Variants in TNR observed in about 807,000 individuals in gnomAD.
The protein encoded by TNR is tenascin R.
Under a neutral mutation model 150.4 loss-of-function variants are expected in TNR, and 45 were observed. The ratio of observed to expected loss-of-function variants is 0.30; its 90% CI spans 0.24 to 0.38. TNR has a LOEUF of 0.38. Among genes scored for constraint, TNR ranks in the 10% least tolerant of loss-of-function variants. The pLI is 1.00. For missense variants in TNR, 1,544 were observed against 1,759.1 expected (o/e 0.88, Z 2.19); for synonymous variants, 687 against 678.4 (o/e 1.01, Z -0.20).
intron 3 of TNR, among the ~76,000 whole-genome samples, chr1:175,403,996 C>T (rs2102046143): frequency 6.6e-6 from 1 of 152,264 alleles, no homozygotes; most frequent in East Asian, 1.9e-4. Flanking sequence ...GGAACGTGCT[C>T]AAGCCCAGGT....
intron 21 of TNR, among the ~76,000 whole-genome samples, chr1:175,325,010 G>T (rs1462455893): frequency 1.3e-5 from 2 of 152,160 alleles, no homozygotes; most frequent in Non-Finnish European, 2.9e-5. Context: ...GGGAAGAGGG[G>T]CATCAGCAAA....
intron 2 of TNR, among the ~76,000 whole-genome samples, chr1:175,461,352 C>A (rs145619568): frequency 1.3e-5 from 2 of 152,282 alleles, no homozygotes; most frequent in African/African-American, 4.8e-5. Context: ...TTGCTCCCAA[C>A]AAAATGTTTT....
intron 1 of TNR, among the ~76,000 whole-genome samples, chr1:175,674,027 G>A (rs1031604805): frequency 6.6e-6 from 1 of 152,206 alleles, no homozygotes; most frequent in Non-Finnish European, 1.5e-5. Flanking sequence ...AGTGCTGTGT[G>A]CCTCAACTCT....
chr1:175,462,773 T>C (rs1013490368), intron 2 of TNR, among the ~76,000 whole-genome samples: 3 of 152,164 alleles, frequency 2.0e-5, no homozygotes, highest in African/African-American at 7.2e-5. Context: ...TCCCTGTCAA[T>C]GATAACAACA....
chr1:175,588,606 AAC>A (rs1662671824), intron 1 of TNR, among the ~76,000 whole-genome samples: 1 of 152,182 alleles, frequency 6.6e-6, no homozygotes, highest in African/African-American at 2.4e-5. Flanking sequence ...TAATTAATCA[AAC>A]ACGGGCTGCT....
chr1:175,709,371 T>G (rs531162599), intron 1 of TNR, among the ~76,000 whole-genome samples: 1 of 151,016 alleles, frequency 6.6e-6, no homozygotes, highest in East Asian at 2.0e-4. Flanking sequence ...AATCAGGAAT[T>G]TATTCAAAAT....
At chr1:175,513,208 C>T (rs942234377) in intron 2 of TNR, among the ~76,000 whole-genome samples, 1 of 152,118 alleles carries the variant, frequency 6.6e-6, no homozygotes, top group Non-Finnish European at 1.5e-5. Flanking sequence ...CTGTCTTCCC[C>T]ACTACACTGT....
intron 1 of TNR, among the ~76,000 whole-genome samples, chr1:175,596,066 T>G (rs548620468): frequency 6.6e-6 from 1 of 152,322 alleles, no homozygotes; most frequent in South Asian, 2.1e-4. Context: ...CATTCTAGTT[T>G]CATTGGAAAA....
At chr1:175,474,650 T>C (rs1193990346) in intron 2 of TNR, among the ~76,000 whole-genome samples, 1 of 152,214 alleles carries the variant, frequency 6.6e-6, no homozygotes, top group East Asian at 1.9e-4. Context: ...TCCGTAGCCA[T>C]GTGTGCCCTG....
intron 2 of TNR, among the ~76,000 whole-genome samples, chr1:175,431,043 T>A (rs1368812086): frequency 1.3e-5 from 2 of 152,130 alleles, no homozygotes; most frequent in African/African-American, 4.8e-5. Flanking sequence ...CTTTTTCTCA[T>A]AACAGTACCT....
At chr1:175,657,358 G>A (rs1158068433) in intron 1 of TNR, among the ~76,000 whole-genome samples, 1 of 152,204 alleles carries the variant, frequency 6.6e-6, no homozygotes, top group African/African-American at 2.4e-5. Context: ...GGAAGTCAGT[G>A]TGGCAATTCC....
At chr1:175,378,116 C>A (rs1002275815) in intron 9 of TNR, among the ~76,000 whole-genome samples, 8 of 152,218 alleles carry the variant, frequency 5.3e-5, no homozygotes, top group African/African-American at 1.7e-4. Flanking sequence ...AGTCTTCCTG[C>A]CTCTGACCTT....
At chr1:175,656,920 T>C (rs1056962757) in intron 1 of TNR, among the ~76,000 whole-genome samples, 13 of 152,186 alleles carry the variant, frequency 8.5e-5, no homozygotes, top group African/African-American at 3.1e-4. Context: ...CAGTTGTGTG[T>C]TTATTGTATG....
intron 1 of TNR, among the ~76,000 whole-genome samples, chr1:175,624,318 A>G (rs1664075650): frequency 1.3e-5 from 2 of 152,068 alleles, no homozygotes; most frequent in African/African-American, 2.4e-5. Context: ...TCCATCCCCC[A>G]ATTCATGTTA....
In TNR at chr1:175,349,113, G is replaced by A. The variant is rs143060974; in HGVS notation, c.3382+5278C>T. 8.3e-4 allele frequency among the ~76,000 whole-genome samples: 126 copies of A among 152,272 alleles called. 2 individuals carry two copies. Among genetic ancestry groups the A allele is most frequent in the African/African-American group, 2.9e-3 (120 of 41,540 alleles). On this transcript the variant is annotated intron_variant, in intron 18 of 22. Transcript: ENST00000367674. ...CAAGGCATTTGGAATGATGCATGTC[G>A]TTAGGAAATAGGAGCTTCTGTGCAC...
chr1:175,363,379 A>G (rs1651687791), intron 13 of TNR, among the ~76,000 whole-genome samples: 1 of 152,166 alleles, frequency 6.6e-6, no homozygotes, highest in South Asian at 2.1e-4. Context: ...CTTGAACTTC[A>G]TTCTTGTAGG....
intron 1 of TNR, among the ~76,000 whole-genome samples, chr1:175,579,184 C>A (rs1253895198): frequency 1.4e-5 from 2 of 146,202 alleles, no homozygotes; most frequent in African/African-American, 5.0e-5. Context: ...TTCCTTCCTT[C>A]CTTCCTTCCT....
intron 1 of TNR, among the ~76,000 whole-genome samples, chr1:175,540,342 A>T (rs1477338936): frequency 6.6e-6 from 1 of 152,186 alleles, no homozygotes; most frequent in Non-Finnish European, 1.5e-5. Flanking sequence ...GTTTGACTCA[A>T]ATCTTTGAAT....
At chr1:175,597,479 A>G (rs1448814494) in intron 1 of TNR, among the ~76,000 whole-genome samples, 2 of 152,222 alleles carry the variant, frequency 1.3e-5, no homozygotes, top group Non-Finnish European at 2.9e-5. Flanking sequence ...CATTCAGTGA[A>G]TATTGCTGAA....
Sources: allele counts gnomAD v4.1 joint callset (sites outside exome capture counted in the v4.1 genomes callset), GRCh38; gene constraint gnomAD v4.1.1; transcripts MANE v1.5; gene names NCBI Gene and HGNC (gene_info 2026-07-23, HGNC 2026-07-21).